Variants in TOMM22 observed in about 807,000 individuals in gnomAD.
The protein encoded by TOMM22 is translocase of outer mitochondrial membrane 22, also known as mitochondrial import receptor subunit TOM22 homolog.
TOMM22 carries 3 observed loss-of-function variants against 17.1 expected under a neutral mutation model. The ratio of observed to expected loss-of-function variants is 0.18; its 90% CI spans 0.08 to 0.45. The LOEUF (loss-of-function observed/expected upper bound fraction) is 0.45, where lower values mean the gene tolerates loss of function less well. Among genes scored for constraint, TOMM22 ranks in the 20% least tolerant of loss-of-function variants. The probability of loss-of-function intolerance (pLI) is 0.99; values close to 1 mark genes in which losing one functional copy is unlikely to be tolerated. For missense variants in TOMM22, 159 were observed against 179.5 expected (o/e 0.89, Z 0.65); for synonymous variants, 91 against 74.0 (o/e 1.23, Z -1.18).
chr22:38,683,142 C>CGGGGGGG (rs57276769), intron 3 of TOMM22, 146 bp downstream of exon 3: 13 of 41,608 alleles, frequency 3.1e-4, no homozygotes, highest in Non-Finnish European at 3.9e-4. Flanking sequence ...GGCCGGGGGT[C>CGGGGGGG]GGGGGGGGGG....
Position 38,682,114 on chromosome 22 carries a change from G to T in TOMM22, c.117+19G>T, listed in dbSNP as rs1404638340. On this transcript the variant is annotated intron_variant, in intron 1 of 3. Transcript: ENST00000216034. Reference sequence around the variant, plus strand: ...TGAGGAGGTACTAGGGCCTCGCGGGGTGCAGAGCGGGAAGCGGGCCCGCTC... The same window carrying T: ...TGAGGAGGTACTAGGGCCTCGCGGGTTGCAGAGCGGGAAGCGGGCCCGCTC... The T allele has an allele frequency of 2.6e-6, 4 of 1,559,484 alleles. No homozygotes were observed. The highest frequency in any genetic ancestry group is 1.9e-5 in the Admixed American group (1 of 51,810).
chr22:38,685,311 C>T lies in TOMM22; in HGVS notation c.*1470C>T, dbSNP rs1412908869. 1 of 152,242 alleles carries T rather than the reference C, an allele frequency of 6.6e-6. No homozygotes were observed. Among genetic ancestry groups the T allele is most frequent in the Non-Finnish European group, 1.5e-5 (1 of 68,046 alleles). The allele number at this position is 152,242 out of a possible 1,614,324, so 9.4% of individuals were successfully genotyped here. A position where few individuals can be genotyped will look rare whatever the true frequency, so the allele number is the denominator to read the frequency against. ...CCCGCTGGGTATACATGATCTTTCACTTGTTAACTAGGGAAAAACACTAGT... is the reference window on the plus strand; with the variant it reads ...CCCGCTGGGTATACATGATCTTTCATTTGTTAACTAGGGAAAAACACTAGT... On this transcript the variant is annotated 3_prime_UTR_variant, in exon 4 of 4. Coordinates refer to ENST00000216034, the MANE Select transcript of TOMM22 (RefSeq NM_020243.5).
intron 3 of TOMM22, 152 bp downstream of exon 3, chr22:38,683,148 G>T (rs1162874864): frequency 5.8e-6 from 3 of 521,558 alleles, no homozygotes; most frequent in Admixed American, 3.2e-5. Flanking sequence ...GGGTCGGGGG[G>T]GGGGTTCTGG....
Position 38,684,002 on chromosome 22 carries a change from A to ACTTGCAACTGTGCCCTCCACACTATC in TOMM22, c.*165_*190dup, listed in dbSNP as rs1438792484. The ACTTGCAACTGTGCCCTCCACACTATC allele has an allele frequency of 4.8e-6, 3 of 621,190 alleles. No individual in the cohort carries two copies. Among genetic ancestry groups the ACTTGCAACTGTGCCCTCCACACTATC allele is most frequent in the Non-Finnish European group, 8.5e-6 (3 of 353,330 alleles). The allele number at this position is 621,190 out of a possible 1,614,324, so 38.5% of individuals were successfully genotyped here. A position where few individuals can be genotyped will look rare whatever the true frequency, so the allele number is the denominator to read the frequency against. On this transcript the variant is annotated 3_prime_UTR_variant, in exon 4 of 4. Transcript: ENST00000216034. ...CCACATTGTCTCATGGAAAGACTCA[A>ACTTGCAACTGTGCCCTCCACACTATC]CTTGCAACTGTGCCCTCCACACTAT...
intron 1 of TOMM22, 91 bp from the exon 2 acceptor site, chr22:38,682,232 C>T: frequency 1.3e-6 from 2 of 1,519,904 alleles, no homozygotes; most frequent in Non-Finnish European, 1.8e-6. Context: ...GGTGCCCTAG[C>T]TCCAGTGGGG....
chr22:38,684,085 C>A lies in TOMM22; in HGVS notation c.*244C>A. 1 of 464,180 alleles carries A rather than the reference C, an allele frequency of 2.2e-6. No homozygotes were observed. The highest frequency in any genetic ancestry group is 3.9e-6 in the Non-Finnish European group (1 of 255,038). 28.8% of individuals were successfully genotyped at this position (464,180 alleles called of 1,614,324 possible). The stretch of plus-strand genomic sequence containing the variant: ...GCAGCCATGCAGATGGTTATTCCAG[C>A]TCTGGTCACCCGACTCCTTTCACCA... On this transcript the variant is annotated 3_prime_UTR_variant, in exon 4 of 4. Transcript: ENST00000216034.
rs1248358278 is a variant in TOMM22 at position 38,682,081 on chromosome 22, G to A, written c.103G>A (p.Asp35Asn). The change falls in exon 1 of 4, where the codon GAC (aspartate) becomes AAC (asparagine). Residue 35 changes from aspartate to asparagine, a missense_variant. By Grantham distance (23) the Asp-to-Asn change is conservative. Transcript: ENST00000216034. Reference sequence around the variant, plus strand: ...GAAGCCTGAGGAGGAGCTGGAGGAGGACGACGATGAGGAGGTACTAGGGCC... The same window carrying A: ...GAAGCCTGAGGAGGAGCTGGAGGAGAACGACGATGAGGAGGTACTAGGGCC... ...AEKPEEELEE[D>N]DDEELDETLS... 2.5e-6 allele frequency: 4 copies of A among 1,583,560 alleles called. No individual in the cohort carries two copies. Among genetic ancestry groups the A allele is most frequent in the Admixed American group, 1.8e-5 (1 of 54,220 alleles).
At chr22:38,682,472 G>A (rs774978588) in intron 2 of TOMM22, 31 bp downstream of exon 2, 8 of 1,587,318 alleles carry the variant, frequency 5.0e-6, no homozygotes, top group South Asian at 1.1e-5. Flanking sequence ...CACTGGGTAC[G>A]TGCATGGGAT....
Position 38,682,400 on chromosome 22 carries a change from C to T in TOMM22, c.195C>T (p.Ala65=), listed in dbSNP as rs903549126. The T allele has an allele frequency of 1.2e-6, 2 of 1,614,194 alleles. No homozygotes were observed. Among genetic ancestry groups the T allele is most frequent in the African/African-American group, 2.7e-5 (2 of 75,036 alleles). The part of the protein sequence containing the change: ...FPERVRSAAG[A]TFDLSLFVAQ... ...AGAGGGTCCGGTCCGCGGCCGGAGC[C>T]ACTTTTGATCTTTCCCTCTTTGTGG... Residue 65 remains alanine (A), a synonymous_variant, in exon 2 of 4, where the codon GCC becomes GCT. Transcript: ENST00000216034.
Position 38,684,071 on chromosome 22 carries a change from G to A in TOMM22, c.*230G>A, listed in dbSNP as rs2092488214. On this transcript the variant is annotated 3_prime_UTR_variant, in exon 4 of 4. Coordinates refer to ENST00000216034, the MANE Select transcript of TOMM22 (RefSeq NM_020243.5). Reference sequence around the variant, plus strand: ...TCTGATACCAGAGTGCAGCCATGCAGATGGTTATTCCAGCTCTGGTCACCC... The same window carrying A: ...TCTGATACCAGAGTGCAGCCATGCAAATGGTTATTCCAGCTCTGGTCACCC... The A allele has an allele frequency of 4.0e-6, 2 of 505,240 alleles. No individual in the cohort carries two copies. The highest frequency in any genetic ancestry group is 6.2e-5 in the South Asian group (2 of 32,292). 31.3% of individuals were successfully genotyped at this position (505,240 alleles called of 1,614,324 possible).
chr22:38,682,142 G>T, intron 1 of TOMM22, 47 bp downstream of exon 1: 1 of 1,538,802 alleles, frequency 6.5e-7, no homozygotes, highest in Non-Finnish European at 8.8e-7. Flanking sequence ...GCCCGCTCGT[G>T]GGTGTGGGAT....
chr22:38,683,141 T>TGGGGGGGG, intron 3 of TOMM22, 145 bp downstream of exon 3: 1 of 21,858 alleles, frequency 4.6e-5, no homozygotes, highest in South Asian at 4.3e-4. Context: ...TGGCCGGGGG[T>TGGGGGGGG]CGGGGGGGGG....
At chr22:38,683,313 C>G (rs2145796193) in intron 3 of TOMM22, among the ~76,000 whole-genome samples, 1 of 152,260 alleles carries the variant, frequency 6.6e-6, no homozygotes, top group Admixed American at 6.5e-5. Flanking sequence ...GAGACAGTGA[C>G]AGATCATCAG....
Position 38,685,323 on chromosome 22 carries a change from G to A in TOMM22, c.*1482G>A, listed in dbSNP as rs1405068463. 6.6e-6 allele frequency: 1 copy of A among 152,142 alleles called. No individual in the cohort carries two copies. Among genetic ancestry groups the A allele is most frequent in the South Asian group, 2.1e-4 (1 of 4,832 alleles). 9.4% of individuals were successfully genotyped at this position (152,142 alleles called of 1,614,324 possible). A position where few individuals can be genotyped will look rare whatever the true frequency, so the allele number is the denominator to read the frequency against. The stretch of plus-strand genomic sequence containing the variant: ...ACATGATCTTTCACTTGTTAACTAG[G>A]GAAAAACACTAGTCACCAGTGTGGT... On this transcript the variant is annotated 3_prime_UTR_variant, in exon 4 of 4. Coordinates refer to ENST00000216034, the MANE Select transcript of TOMM22 (RefSeq NM_020243.5).
chr22:38,683,142 C>CGGGGGGGGGGGGGTGGGGG (rs57276769), intron 3 of TOMM22, 146 bp downstream of exon 3: 1 of 40,796 alleles, frequency 2.5e-5, no homozygotes, highest in Non-Finnish European at 5.0e-5. Flanking sequence ...GGCCGGGGGT[C>CGGGGGGGGGGGGGTGGGGG]GGGGGGGGGG....
intron 2 of TOMM22, 84 bp from the exon 3 acceptor site, chr22:38,682,795 T>G (rs1249208128): frequency 7.2e-6 from 8 of 1,108,420 alleles, no homozygotes; most frequent in Non-Finnish European, 1.1e-5. Context: ...GAGTATGTAA[T>G]GTGAGAGGTT....
intron 2 of TOMM22, 99 bp from the exon 3 acceptor site, chr22:38,682,780 C>A: frequency 9.9e-7 from 1 of 1,014,306 alleles, no homozygotes; most frequent in Non-Finnish European, 1.5e-6. Context: ...TTATCAAAAA[C>A]ATTGGAGTAT....
Position 38,682,040 on chromosome 22 carries a change from C to T in TOMM22, c.62C>T (p.Pro21Leu), listed in dbSNP as rs747883922. 6 of 1,606,086 alleles carry T rather than the reference C, an allele frequency of 3.7e-6. No homozygotes were observed. The South Asian group carries it at 6.7e-5, about 18-fold the overall frequency. The change falls in exon 1 of 4, where the codon CCG becomes CTG. Residue 21 changes from proline to leucine, a missense_variant. Transcript: ENST00000216034. ...CCCCAGTCCCCGGACGAATTGCTCC[C>T]GAAAGGCGACGCGGAGAAGCCTGAG... ...GEPQSPDELL[P>L]KGDAEKPEEE...
Position 38,684,636 on chromosome 22 carries a change from A to G in TOMM22, c.*795A>G, listed in dbSNP as rs995098723. The G allele has an allele frequency of 2.6e-5, 4 of 152,156 alleles. No homozygotes were observed. The highest frequency in any genetic ancestry group is 2.9e-5 in the Non-Finnish European group (2 of 68,032). 9.4% of individuals were successfully genotyped at this position (152,156 alleles called of 1,614,324 possible). On this transcript the variant is annotated 3_prime_UTR_variant, in exon 4 of 4. Transcript: ENST00000216034. ...AAATTCATTTTTAGCCAAGTACTTC[A>G]TAGCAATCTTTGCCCTGAATTTAGG...
Sources: allele counts gnomAD v4.1 joint callset (sites outside exome capture counted in the v4.1 genomes callset), GRCh38; gene constraint gnomAD v4.1.1; transcripts MANE v1.5; gene names NCBI Gene and HGNC (gene_info 2026-07-23, HGNC 2026-07-21).